The following CDK17 variants were observed in gnomAD, a reference collection of about 807,000 sequenced individuals.
The protein encoded by CDK17 is cyclin-dependent kinase 17.
Under a neutral mutation model 77.6 loss-of-function variants are expected in CDK17, and 24 were observed. That is an observed-to-expected ratio of 0.31 (90% CI 0.22 to 0.44). CDK17 has a LOEUF of 0.44. Ranked by LOEUF, CDK17 falls within the 20% of genes least tolerant of loss-of-function variation. The pLI, the probability that CDK17 is intolerant of heterozygous loss-of-function variation, is 1.00. For synonymous variants in CDK17, 203 were observed against 210.4 expected (o/e 0.96, Z 0.30); for missense variants, 429 against 622.5 (o/e 0.69, Z 3.31).
chr12:96,384,079 G>C (rs561428284), intron 1 of CDK17, among the ~76,000 whole-genome samples: 1 of 151,656 alleles, frequency 6.6e-6, no homozygotes, highest in Non-Finnish European at 1.5e-5. Flanking sequence ...ATCCCATTAA[G>C]AAGTAGACAA....
rs575950417 is a variant in CDK17 at position 96,279,294 on chromosome 12, C to G, written c.*948G>C. The stretch of plus-strand genomic sequence containing the variant: ...GACATATTACAGCTTTCAGCTGATT[C>G]CAAGTGAATGTTATTGAAACACATA... On this transcript the variant is annotated 3_prime_UTR_variant, in exon 17 of 17. Coordinates refer to ENST00000261211, the MANE Select transcript of CDK17 (RefSeq NM_002595.5). The G allele has an allele frequency of 2.0e-5, 3 of 152,248 alleles. No homozygotes were observed. In the East Asian group the frequency reaches 5.8e-4, roughly 29 times the overall value. The allele number at this position is 152,248 out of a possible 1,614,324, so 9.4% of individuals were successfully genotyped here. A position where few individuals can be genotyped will look rare whatever the true frequency, so the allele number is the denominator to read the frequency against.
intron 1 of CDK17, among the ~76,000 whole-genome samples, chr12:96,361,257 T>C (rs1953488833): frequency 6.6e-6 from 1 of 152,140 alleles, no homozygotes; most frequent in Admixed American, 6.5e-5. Context: ...CTGGAACCAT[T>C]TGCCACTCCT....
intron 10 of CDK17, among the ~76,000 whole-genome samples, chr12:96,289,926 G>A (rs1043568807): frequency 1.3e-5 from 2 of 152,028 alleles, no homozygotes; most frequent in Non-Finnish European, 2.9e-5. Flanking sequence ...TGCTGTTTAC[G>A]TCAGGGGTGT....
At position 96,334,818 on chromosome 12, in the gene CDK17, T is replaced by C. The variant is rs1592735283; in HGVS notation, c.19A>G (p.Arg7Gly). The C allele has an allele frequency of 1.3e-6, 2 of 1,599,048 alleles. No individual in the cohort carries two copies. The highest frequency in any genetic ancestry group is 1.7e-6 in the Non-Finnish European group (2 of 1,166,846). The change falls in exon 2 of 17, where the codon AGG (arginine) becomes GGG (glycine). Residue 7 changes from arginine to glycine, a missense_variant. By Grantham distance (125) the Arg-to-Gly change is moderately radical. Coordinates refer to ENST00000261211, the MANE Select transcript of CDK17 (RefSeq NM_002595.5). Reference sequence around the variant, plus strand: ...CTTCCTCGGAGTGTGAGGGATAGCCTTCTCTTAAATTTTTTCATCCTATCA... The same window carrying C: ...CTTCCTCGGAGTGTGAGGGATAGCCCTCTCTTAAATTTTTTCATCCTATCA... MKKFKR[R>G]LSLTLRGSQT... is the part of the protein sequence containing the mutation.
intron 1 of CDK17, among the ~76,000 whole-genome samples, chr12:96,383,564 A>G (rs1301193558): frequency 2.0e-5 from 3 of 152,204 alleles, no homozygotes; most frequent in Admixed American, 6.5e-5. Context: ...ACTGATACAA[A>G]AACAGACACA....
intron 1 of CDK17, among the ~76,000 whole-genome samples, chr12:96,358,370 TAAAA>T (rs35899533): frequency 4.3e-4 from 15 of 35,176 alleles, no homozygotes; most frequent in African/African-American, 1.8e-3. Context: ...TGCAAACTTG[TAAAA>T]AAAAAAAAAA....
chr12:96,345,117 T>C (rs915400251), intron 1 of CDK17, among the ~76,000 whole-genome samples: 5 of 152,252 alleles, frequency 3.3e-5, no homozygotes, highest in African/African-American at 9.6e-5. Context: ...CTGAGCATAA[T>C]GGTTTCCAGC....
chr12:96,362,669 A>C (rs1458284024), intron 1 of CDK17, among the ~76,000 whole-genome samples: 2 of 152,238 alleles, frequency 1.3e-5, no homozygotes, highest in Non-Finnish European at 2.9e-5. Context: ...AAATACTTTT[A>C]AGCAACCTTC....
intron 5 of CDK17, among the ~76,000 whole-genome samples, chr12:96,301,255 A>AC (rs201828167): frequency 0.13 from 19,474 of 148,488 alleles, 1,516 homozygotes; most frequent in South Asian, 0.27. Context: ...AAAAAAAAAA[A>AC]AAAACAAACA....
chr12:96,359,605 T>C (rs556671680), intron 1 of CDK17, among the ~76,000 whole-genome samples: 20 of 152,330 alleles, frequency 1.3e-4, no homozygotes, highest in African/African-American at 4.6e-4. Flanking sequence ...GCAATTCCTA[T>C]CATATTCCCA....
At chr12:96,310,529 G>C (rs1048833177) in intron 5 of CDK17, among the ~76,000 whole-genome samples, 2 of 151,916 alleles carry the variant, frequency 1.3e-5, no homozygotes, top group Admixed American at 6.6e-5. Context: ...CTAATCTTTA[G>C]CATCAGAAGG....
At chr12:96,306,696 T>C (rs1952581511) in intron 5 of CDK17, among the ~76,000 whole-genome samples, 1 of 152,062 alleles carries the variant, frequency 6.6e-6, no homozygotes, top group African/African-American at 2.4e-5. Context: ...AACTTTTACT[T>C]TTTAGGTATA....
intron 15 of CDK17, chr12:96,281,787 T>A (rs1200407534): frequency 6.6e-6 from 1 of 152,264 alleles, no homozygotes; most frequent in African/African-American, 2.4e-5. Context: ...TATTAAGGAT[T>A]TTTTATTCCA....
chr12:96,391,544 GC>G (rs1954068442), intron 1 of CDK17, among the ~76,000 whole-genome samples: 1 of 152,068 alleles, frequency 6.6e-6, no homozygotes, highest in Non-Finnish European at 1.5e-5. Context: ...GACCGCCTTG[GC>G]CTCCCAAAGT....
chr12:96,289,965 T>C (rs766491752), intron 10 of CDK17, among the ~76,000 whole-genome samples: 4 of 152,052 alleles, frequency 2.6e-5, no homozygotes, highest in African/African-American at 4.8e-5. Context: ...TGGGCTACAA[T>C]GGAAGAACTG....
intron 1 of CDK17, among the ~76,000 whole-genome samples, chr12:96,397,607 A>C (rs1410682933): frequency 3.3e-5 from 5 of 152,210 alleles, no homozygotes; most frequent in African/African-American, 1.2e-4. Flanking sequence ...CTCATTGTAA[A>C]TGTAATGTGA....
intron 13 of CDK17, 82 bp downstream of exon 13, chr12:96,285,961 T>G: frequency 1.4e-6 from 1 of 713,186 alleles, no homozygotes; most frequent in East Asian, 3.0e-5. Context: ...TATTTTTTCC[T>G]GAATCCTTAC....
intron 2 of CDK17, among the ~76,000 whole-genome samples, chr12:96,330,176 T>C (rs1952947504): frequency 6.6e-6 from 1 of 152,104 alleles, no homozygotes; most frequent in East Asian, 1.9e-4. Context: ...TATCGTCCCA[T>C]TACAAGAAAA....
At chr12:96,349,077 G>A (rs940473518) in intron 1 of CDK17, among the ~76,000 whole-genome samples, 9 of 152,302 alleles carry the variant, frequency 5.9e-5, no homozygotes, top group South Asian at 2.1e-4. Context: ...GAATTCGGCA[G>A]CTTATTAAAA....
Sources: allele counts gnomAD v4.1 joint callset (sites outside exome capture counted in the v4.1 genomes callset), GRCh38; gene constraint gnomAD v4.1.1; transcripts MANE v1.5; gene names NCBI Gene and HGNC (gene_info 2026-07-23, HGNC 2026-07-21).